The following FHIT variants were observed in gnomAD, a reference collection of about 807,000 sequenced individuals.
The protein encoded by FHIT is bis(5'-adenosyl)-triphosphatase.
In FHIT, 19 loss-of-function variants were observed where a neutral mutation model predicts 17.9. The observed-to-expected ratio is 1.06, with a 90% CI of 0.74 to 1.56. The LOEUF (loss-of-function observed/expected upper bound fraction) is 1.56. Among genes scored for constraint, FHIT ranks in the 40% most tolerant of loss-of-function variants. FHIT has a pLI of 0.00. For synonymous variants in FHIT, 81 were observed against 69.7 expected, an observed-to-expected ratio of 1.16 and a Z score of -0.81; for missense variants, 248 against 189.2, an observed-to-expected ratio of 1.31 and a Z score of -1.82.
At chr3:60,391,385 T>C (rs1559877050) in intron 5 of FHIT, among the ~76,000 whole-genome samples, 1 of 152,198 alleles carries the variant, frequency 6.6e-6, no homozygotes, top group Non-Finnish European at 1.5e-5. Flanking sequence ...TCCTTCTTCA[T>C]CAATGTTTTT....
At chr3:60,514,370 C>T (rs1481777913) in intron 5 of FHIT, among the ~76,000 whole-genome samples, 1 of 152,240 alleles carries the variant, frequency 6.6e-6, no homozygotes, top group Admixed American at 6.5e-5. Context: ...CCGGTTCCCA[C>T]ACCCGTTTCC....
chr3:59,822,818 A>G (rs1214690198), intron 8 of FHIT, among the ~76,000 whole-genome samples: 1 of 151,948 alleles, frequency 6.6e-6, no homozygotes, highest in Non-Finnish European at 1.5e-5. Flanking sequence ...AGTCCCACCT[A>G]TTTATCTTTG....
At position 60,059,048 on chromosome 3, in the gene FHIT, T is replaced by C. The variant is rs886670408; in HGVS notation, c.104-44896A>G. Among the ~76,000 whole-genome samples, 5 of 152,082 alleles carry C rather than the reference T, an allele frequency of 3.3e-5. No homozygotes were observed. In the South Asian group the frequency reaches 1.0e-3, roughly 32 times the overall value. On this transcript the variant is annotated intron_variant, in intron 5 of 9. Transcript: ENST00000492590. ...GTTACAGTAGGTAGGTAGTCAGGCG[T>C]GATGGGGCAGGAGAGGGCCCTCCCA... is the stretch of plus-strand genomic sequence containing the variant.
At chr3:61,201,995 T>C (rs1022280103) in intron 1 of FHIT, among the ~76,000 whole-genome samples, 1 of 152,108 alleles carries the variant, frequency 6.6e-6, no homozygotes, top group Admixed American at 6.5e-5. Flanking sequence ...TGTGCATATA[T>C]ATACACACAC....
chr3:61,113,462 T>C (rs1038031190), intron 2 of FHIT, among the ~76,000 whole-genome samples: 8 of 152,204 alleles, frequency 5.3e-5, no homozygotes, highest in Non-Finnish European at 1.5e-5. Context: ...TAAAGTTGTG[T>C]CTATGGTTCT....
At chr3:59,969,500 T>C (rs1708081202) in intron 7 of FHIT, among the ~76,000 whole-genome samples, 1 of 152,094 alleles carries the variant, frequency 6.6e-6, no homozygotes, top group African/African-American at 2.4e-5. Context: ...AGTGTTCTGC[T>C]CTCTCTGAAG....
At chr3:59,992,015 G>C (rs1371979120) in intron 7 of FHIT, among the ~76,000 whole-genome samples, 2 of 151,962 alleles carry the variant, frequency 1.3e-5, no homozygotes, top group Non-Finnish European at 2.9e-5. Flanking sequence ...AACGTATGCA[G>C]GGAAGAGGAG....
chr3:60,649,991 C>A (rs1474028111), intron 4 of FHIT, among the ~76,000 whole-genome samples: 1 of 152,130 alleles, frequency 6.6e-6, no homozygotes, highest in Non-Finnish European at 1.5e-5. Context: ...TACATCTTCT[C>A]AAAGAGGGGA....
chr3:60,914,743 C>T (rs978293975), intron 3 of FHIT, among the ~76,000 whole-genome samples: 1 of 152,108 alleles, frequency 6.6e-6, no homozygotes, highest in Non-Finnish European at 1.5e-5. Flanking sequence ...AGCAATATAA[C>T]CTTGTATTAA....
At chr3:60,637,227 T>C (rs997406759) in intron 4 of FHIT, among the ~76,000 whole-genome samples, 2 of 152,198 alleles carry the variant, frequency 1.3e-5, no homozygotes, top group South Asian at 4.1e-4. Flanking sequence ...AGCACCACTT[T>C]GAAGCAGTCA....
chr3:59,888,594 T>C (rs999433182), intron 8 of FHIT, among the ~76,000 whole-genome samples: 1 of 152,222 alleles, frequency 6.6e-6, no homozygotes, highest in African/African-American at 2.4e-5. Context: ...TTTTAAACAT[T>C]AGCTCTATAT....
intron 8 of FHIT, among the ~76,000 whole-genome samples, chr3:59,854,011 C>G (rs1036575335): frequency 6.6e-6 from 1 of 151,700 alleles, no homozygotes. Context: ...AAAAATAAGA[C>G]AAAGAACAGA....
At chr3:59,859,057 G>C (rs1702296803) in intron 8 of FHIT, among the ~76,000 whole-genome samples, 1 of 152,140 alleles carries the variant, frequency 6.6e-6, no homozygotes, top group South Asian at 2.1e-4. Flanking sequence ...ACACGGACAG[G>C]AACCAGAGCT....
At chr3:60,629,926 C>G (rs1008328015) in intron 4 of FHIT, among the ~76,000 whole-genome samples, 18 of 152,260 alleles carry the variant, frequency 1.2e-4, no homozygotes, top group Middle Eastern at 3.4e-3. Context: ...GTCTGGCTAG[C>G]CTGACACTTG....
intron 5 of FHIT, among the ~76,000 whole-genome samples, chr3:60,176,335 G>C (rs1238535645): frequency 1.3e-5 from 2 of 152,164 alleles, no homozygotes; most frequent in South Asian, 2.1e-4. Context: ...CTGGGTGACA[G>C]AGTGAGACTC....
Position 60,307,329 on chromosome 3 carries a change from C to T in FHIT, c.103+229531G>A, listed in dbSNP as rs543292981. Among the ~76,000 whole-genome samples the T allele has an allele frequency of 2.6e-5, 4 of 152,284 alleles. No individual in the cohort carries two copies. The South Asian group carries it at 6.2e-4, about 24-fold the overall frequency. ...TTTGATTTCTATAGTTCAGCACTCC[C>T]TAATTCCAATAGACAAGATTCAAAG... On this transcript the variant is annotated intron_variant, in intron 5 of 9. Transcript: ENST00000492590.
chr3:61,206,423 G>C (rs201780158), intron 1 of FHIT, among the ~76,000 whole-genome samples: 5 of 150,708 alleles, frequency 3.3e-5, no homozygotes, highest in African/African-American at 4.9e-5. Context: ...TGGCCATTTT[G>C]ACAATATTGA....
intron 5 of FHIT, among the ~76,000 whole-genome samples, chr3:60,499,767 T>C (rs1174632218): frequency 6.6e-6 from 1 of 152,180 alleles, no homozygotes; most frequent in African/African-American, 2.4e-5. Flanking sequence ...TGGACTTGGC[T>C]GCCCATTGTC....
intron 5 of FHIT, among the ~76,000 whole-genome samples, chr3:60,173,666 G>A (rs1249164496): frequency 5.3e-5 from 8 of 151,580 alleles, no homozygotes; most frequent in Admixed American, 2.6e-4. Flanking sequence ...GGATGTTTCC[G>A]GGGCTGCAGA....
Sources: gnomAD v4.1 joint callset for allele counts (sites outside exome capture counted in the v4.1 genomes callset) on GRCh38, gnomAD v4.1.1 for gene constraint, MANE v1.5 for transcripts, NCBI Gene and HGNC (gene_info 2026-07-23, HGNC 2026-07-21) for gene names.